RUNX1: variants seen among roughly 807,000 people sequenced by gnomAD.
RUNX1 encodes RUNX family transcription factor 1, also known as runt-related transcription factor 1.
In RUNX1, 19 loss-of-function variants were observed where a neutral mutation model predicts 42.8. The ratio of observed to expected loss-of-function variants is 0.44; its 90% CI spans 0.31 to 0.65. The LOEUF is 0.65. RUNX1 is among the 30% of genes least tolerant of loss of function. RUNX1 has a pLI of 0.07. For synonymous variants in RUNX1, 271 were observed against 289.4 expected (o/e 0.94, Z 0.64); for missense variants, 528 against 672.0 (o/e 0.79, Z 2.37).
At chr21:34,862,136 C>G (rs1053399404) in intron 5 of RUNX1, among the ~76,000 whole-genome samples, 7 of 151,108 alleles carry the variant, frequency 4.6e-5, no homozygotes, top group Non-Finnish European at 1.0e-4. Context: ...GAGAGAGAGA[C>G]TGAGGTGGTT....
At chr21:34,903,658 A>G (rs1438608095) in intron 2 of RUNX1, among the ~76,000 whole-genome samples, 1 of 152,210 alleles carries the variant, frequency 6.6e-6, no homozygotes, top group Non-Finnish European at 1.5e-5. Flanking sequence ...TTTGTCAATT[A>G]AATAATAAAT....
chr21:34,805,381 C>T (rs1229233131), intron 7 of RUNX1, among the ~76,000 whole-genome samples: 1 of 150,688 alleles, frequency 6.6e-6, no homozygotes, highest in South Asian at 2.1e-4. Flanking sequence ...TCAGAGAACA[C>T]CAAGCATAAT....
At chr21:34,994,144 T>A (rs1341425719) in intron 2 of RUNX1, among the ~76,000 whole-genome samples, 1 of 152,112 alleles carries the variant, frequency 6.6e-6, no homozygotes, top group Non-Finnish European at 1.5e-5. Context: ...TAGAGCAAGT[T>A]TTGACAACCA....
chr21:35,019,097 T>C (rs1277460142), intron 2 of RUNX1, among the ~76,000 whole-genome samples: 2 of 152,224 alleles, frequency 1.3e-5, no homozygotes, highest in Non-Finnish European at 1.5e-5. Context: ...CTGGCTTAGA[T>C]TGGCCTGGGC....
At chr21:35,030,174 T>A (rs1380476133) in intron 2 of RUNX1, among the ~76,000 whole-genome samples, 1 of 152,068 alleles carries the variant, frequency 6.6e-6, no homozygotes, top group Admixed American at 6.5e-5. Flanking sequence ...AAACCATGTC[T>A]CTACTAAAAA....
intron 2 of RUNX1, among the ~76,000 whole-genome samples, chr21:35,010,757 G>T (rs892150294): frequency 6.6e-6 from 1 of 152,012 alleles, no homozygotes; most frequent in Non-Finnish European, 1.5e-5. Context: ...AAACACACTC[G>T]TTGAGGCTGA....
intron 6 of RUNX1, among the ~76,000 whole-genome samples, chr21:34,851,804 T>C (rs568074315): frequency 6.6e-6 from 1 of 152,308 alleles, no homozygotes; most frequent in East Asian, 1.9e-4. Flanking sequence ...TCTCTTTGGG[T>C]TTTCACATTA....
chr21:34,955,752 A>G (rs1229183684), intron 2 of RUNX1, among the ~76,000 whole-genome samples: 1 of 152,228 alleles, frequency 6.6e-6, no homozygotes, highest in Non-Finnish European at 1.5e-5. Context: ...GGTGACCACC[A>G]TGCCTGAAGC....
At chr21:34,950,522 T>C (rs895518809) in intron 2 of RUNX1, among the ~76,000 whole-genome samples, 1 of 152,108 alleles carries the variant, frequency 6.6e-6, no homozygotes, top group African/African-American at 2.4e-5. Context: ...GTGGATCACT[T>C]GAGGTCAGGA....
intron 2 of RUNX1, among the ~76,000 whole-genome samples, chr21:34,908,592 G>T (rs1317010690): frequency 6.6e-6 from 1 of 152,136 alleles, no homozygotes. Flanking sequence ...GTCGGGGGAG[G>T]TGCAATCTCC....
At chr21:34,870,337 C>T (rs1188377815) in intron 5 of RUNX1, among the ~76,000 whole-genome samples, 2 of 152,216 alleles carry the variant, frequency 1.3e-5, no homozygotes, top group African/African-American at 4.8e-5. Context: ...TGTCTTCCCA[C>T]AGACAAGGGC....
intron 6 of RUNX1, among the ~76,000 whole-genome samples, chr21:34,857,434 T>C (rs1481759347): frequency 6.6e-6 from 1 of 152,228 alleles, no homozygotes; most frequent in African/African-American, 2.4e-5. Context: ...GTTATTTCTT[T>C]GAATGTTACA....
intron 2 of RUNX1, among the ~76,000 whole-genome samples, chr21:35,019,811 T>C (rs1193548961): frequency 6.6e-6 from 1 of 152,114 alleles, no homozygotes; most frequent in African/African-American, 2.4e-5. Context: ...GCATTGCCCT[T>C]TGCACACAGC....
rs770316757 is a variant in RUNX1 at position 34,843,055 on chromosome 21, GCGAGACT to G, written c.614-8461_614-8455del. On this transcript the variant is annotated intron_variant, in intron 6 of 8. Transcript: ENST00000675419. This position sits in a 1 kb window ranked among gnomAD's most constrained non-coding sequence, Gnocchi z 4.8. ...AGTGCACTCCAGCCTGAGCGACAGA[GCGAGACT>G]CTGTCTCAAAAAACAAAACAAAACA... 3.3e-5 allele frequency among the ~76,000 whole-genome samples: 5 copies of G among 152,076 alleles called. No individual in the cohort carries two copies. Among genetic ancestry groups the G allele is most frequent in the Non-Finnish European group, 5.9e-5 (4 of 68,006 alleles).
chr21:35,045,646 C>T (rs979425041), intron 2 of RUNX1, among the ~76,000 whole-genome samples: 4 of 152,154 alleles, frequency 2.6e-5, no homozygotes, highest in African/African-American at 9.7e-5. Context: ...CACCTCCAGT[C>T]TCCCTCCAGA....
At chr21:34,819,502 C>T (rs930360877) in intron 7 of RUNX1, among the ~76,000 whole-genome samples, 4 of 152,240 alleles carry the variant, frequency 2.6e-5, no homozygotes, top group Non-Finnish European at 4.4e-5. Flanking sequence ...CCCGTCAATG[C>T]GGGAGCCCCC....
intron 3 of RUNX1, among the ~76,000 whole-genome samples, chr21:34,890,365 C>G (rs1418809138): frequency 6.6e-6 from 1 of 152,192 alleles, no homozygotes; most frequent in Non-Finnish European, 1.5e-5. Flanking sequence ...GCCCCAGAGC[C>G]CACTTGAGCT....
intron 2 of RUNX1, among the ~76,000 whole-genome samples, chr21:34,990,827 G>A (rs764297505): frequency 2.6e-4 from 39 of 152,080 alleles, no homozygotes; most frequent in Non-Finnish European, 4.0e-4. Flanking sequence ...CTGGCCTCAG[G>A]TGATCCACCC....
chr21:34,889,928 G>A, intron 3 of RUNX1: 1 of 929,768 alleles, frequency 1.1e-6, no homozygotes, highest in Non-Finnish European at 1.3e-6. Flanking sequence ...CCGGATCCCG[G>A]CCCCGTTCCA....
Sources: gnomAD v4.1 joint callset for allele counts (sites outside exome capture counted in the v4.1 genomes callset) on GRCh38, gnomAD v4.1.1 for gene constraint, Gnocchi (gnomAD v3.1) non-coding constraint, MANE v1.5 for transcripts, NCBI Gene and HGNC (gene_info 2026-07-23, HGNC 2026-07-21) for gene names.